Variants in NFS1 observed in about 807,000 individuals in gnomAD.
NFS1 encodes NFS1 cysteine desulfurase.
NFS1 carries 26 observed loss-of-function variants against 57.3 expected under a neutral mutation model. The observed-to-expected ratio is 0.45, with a 90% CI of 0.33 to 0.63. The LOEUF is 0.63. NFS1 is among the 20% of genes least tolerant of loss of function. The pLI, the probability that NFS1 is intolerant of heterozygous loss-of-function variation, is 0.02. For synonymous variants in NFS1, 209 were observed against 216.3 expected (o/e 0.97, Z 0.30); for missense variants, 505 against 605.8 (o/e 0.83, Z 1.75).
chr20:35,698,634 A>G (rs1160454992), intron 1 of NFS1, 44 bp from the exon 2 acceptor site: 5 of 1,544,598 alleles, frequency 3.2e-6, no homozygotes, highest in Non-Finnish European at 4.4e-6. Flanking sequence ...ACCGAAGGCA[A>G]CTATGAACGC....
Position 35,680,730 on chromosome 20 carries a change from C to T in NFS1, c.790+7G>A. ...CAGAGAGAAGGAACTCTAGAAGGGG[C>T]TGGTACCTTTGGGACCGTAGATTTT... is the stretch of plus-strand genomic sequence containing the variant. On this transcript the variant is annotated splice_region_variant and intron_variant, in intron 7 of 12. Coordinates refer to ENST00000374092, the MANE Select transcript of NFS1 (RefSeq NM_021100.5). 1.3e-6 allele frequency: 2 copies of T among 1,524,822 alleles called. No homozygotes were observed. Among genetic ancestry groups the T allele is most frequent in the Non-Finnish European group, 1.8e-6 (2 of 1,136,884 alleles). 94.5% of individuals were successfully genotyped at this position (1,524,822 alleles called of 1,614,324 possible).
intron 7 of NFS1, 47 bp from the exon 8 acceptor site, chr20:35,675,249 A>T: frequency 6.6e-7 from 1 of 1,507,694 alleles, no homozygotes; most frequent in Non-Finnish European, 8.9e-7. Context: ...AGAAAAGTAG[A>T]TAAAACAAAA....
At chr20:35,687,462 G>A (rs1251686947) in intron 5 of NFS1, among the ~76,000 whole-genome samples, 1 of 152,050 alleles carries the variant, frequency 6.6e-6, no homozygotes, top group African/African-American at 2.4e-5. Context: ...AGGCAGGGAA[G>A]GGCCCCCTGT....
At chr20:35,687,154 T>TC (rs2034959013) in intron 5 of NFS1, among the ~76,000 whole-genome samples, 1 of 152,040 alleles carries the variant, frequency 6.6e-6, no homozygotes, top group East Asian at 1.9e-4. Flanking sequence ...GGAAAGGGAA[T>TC]CCCCCTTTCC....
intron 6 of NFS1, 66 bp from the exon 7 acceptor site, chr20:35,680,937 G>A: frequency 7.6e-7 from 1 of 1,311,834 alleles, no homozygotes; most frequent in Non-Finnish European, 1.0e-6. Context: ...GTCCCACAGT[G>A]CACTGTGAAT....
chr20:35,696,085 C>A (rs2035129004), intron 4 of NFS1, among the ~76,000 whole-genome samples: 1 of 151,982 alleles, frequency 6.6e-6, no homozygotes, highest in Admixed American at 6.6e-5. Flanking sequence ...CCATTATCCA[C>A]TCTCTGAAGT....
intron 7 of NFS1, among the ~76,000 whole-genome samples, chr20:35,676,414 C>T (rs117042707): frequency 0.083 from 12,608 of 151,740 alleles, 711 homozygotes; most frequent in Middle Eastern, 0.14. Context: ...GGTGAAACCC[C>T]GTAATTATTA....
chr20:35,678,801 G>A (rs1334280947), intron 7 of NFS1, among the ~76,000 whole-genome samples: 2 of 152,082 alleles, frequency 1.3e-5, no homozygotes, highest in Non-Finnish European at 2.9e-5. Flanking sequence ...TGAAGCTGTG[G>A]CAAGGTAGGA....
chr20:35,690,117 T>C (rs2035018033), intron 5 of NFS1, among the ~76,000 whole-genome samples: 1 of 150,864 alleles, frequency 6.6e-6, no homozygotes, highest in South Asian at 2.1e-4. Context: ...AAAAAAGAAG[T>C]AACAAGTCCT....
In NFS1 at chr20:35,668,922, T is replaced by A. The variant is rs2146406688; in HGVS notation, c.*700A>T. The stretch of plus-strand genomic sequence containing the variant: ...GGCGGTCTTCTCCACAATTCCCAAG[T>A]ACAGCTTCCACTTTTCCCTCAACCT... On this transcript the variant is annotated 3_prime_UTR_variant, in exon 13 of 13. Coordinates refer to ENST00000374092, the MANE Select transcript of NFS1 (RefSeq NM_021100.5). 6.6e-6 allele frequency: 1 copy of A among 152,348 alleles called. No homozygotes were observed. Among genetic ancestry groups the A allele is most frequent in the African/African-American group, 2.4e-5 (1 of 41,584 alleles). The allele number at this position is 152,348 out of a possible 1,614,324, so 9.4% of individuals were successfully genotyped here. A position where few individuals can be genotyped will look rare whatever the true frequency, so the allele number is the denominator to read the frequency against.
Position 35,683,099 on chromosome 20 carries a change from CA to C in NFS1, c.562-1119del, listed in dbSNP as rs374341051. ...TCTCAAAAAACAAAACAAAACAAAA[CA>C]AAAAAACAAAAACAAAAATAAAAAA... On this transcript the variant is annotated intron_variant, in intron 5 of 12. Transcript: ENST00000374092. 2.5e-3 allele frequency among the ~76,000 whole-genome samples: 370 copies of C among 150,826 alleles called. 1 individual carries two copies. The highest frequency in any genetic ancestry group is 8.1e-3 in the African/African-American group (334 of 41,100).
rs74638016 is a variant in NFS1 at position 35,681,820 on chromosome 20, C to T, written c.655+68G>A. 2.6e-4 allele frequency: 223 copies of T among 858,960 alleles called. 2 individuals are homozygous for T. The Middle Eastern group carries it at 4.0e-3, about 15-fold the overall frequency. The allele number at this position is 858,960 out of a possible 1,614,324, so 53.2% of individuals were successfully genotyped here. On this transcript the variant is annotated intron_variant, in intron 6 of 12. Transcript: ENST00000374092. ...AACTACACTCCATAGAGTATTACAG[C>T]TCTCAGTATACTACCTCATACAGAG...
At chr20:35,680,920 T>C in intron 6 of NFS1, 49 bp from the exon 7 acceptor site, 1 of 1,416,710 alleles carries the variant, frequency 7.1e-7, no homozygotes, top group Non-Finnish European at 9.3e-7. Context: ...GAAAGTCATC[T>C]GTCAGAGTCC....
chr20:35,695,416 C>T (rs1241208176), intron 4 of NFS1, among the ~76,000 whole-genome samples: 1 of 152,246 alleles, frequency 6.6e-6, no homozygotes, highest in African/African-American at 2.4e-5. Context: ...CACAATTTCT[C>T]AGAGCCTTGG....
Position 35,669,662 on chromosome 20 carries a change from T to C in NFS1, c.1334A>G (p.Asp445Gly). The C allele has an allele frequency of 6.2e-7, 1 of 1,614,134 alleles. No homozygotes were observed. The part of the protein sequence containing the change: ...EMSPLWEMVQ[D>G]GIDLKSIKWT... ...CTTGATGCTCTTGAGGTCAATGCCA[T>C]CCTGAACCATCTCCCAGAGAGGGCT... is the stretch of plus-strand genomic sequence containing the variant. Residue 445 changes from aspartate to glycine, a missense_variant, in exon 13 of 13, where the codon GAT becomes GGT. Transcript: ENST00000374092.
chr20:35,674,679 A>G, intron 8 of NFS1, 62 bp from the exon 9 acceptor site: 1 of 1,308,708 alleles, frequency 7.6e-7, no homozygotes, highest in Non-Finnish European at 1.1e-6. Context: ...AGACAGTTTG[A>G]GAAGCCCTTC....
At chr20:35,687,962 G>A (rs1196952124) in intron 5 of NFS1, among the ~76,000 whole-genome samples, 3 of 152,174 alleles carry the variant, frequency 2.0e-5, no homozygotes, top group Admixed American at 6.5e-5. Flanking sequence ...TTAGCAGGCT[G>A]GCCAGGCACA....
At chr20:35,672,649 A>G (rs551696160) in intron 12 of NFS1, 106 bp downstream of exon 12, 7 of 750,914 alleles carry the variant, frequency 9.3e-6, no homozygotes, top group South Asian at 5.9e-5. Flanking sequence ...CTAAGATCCA[A>G]GTACGCTTGA....
At chr20:35,674,808 G>A (rs1334643925) in intron 8 of NFS1, 191 bp from the exon 9 acceptor site, 1 of 680,776 alleles carries the variant, frequency 1.5e-6, no homozygotes, top group Non-Finnish European at 2.5e-6. Context: ...TTGATAACTG[G>A]ACACAGGGTT....
Sources: allele counts gnomAD v4.1 joint callset (sites outside exome capture counted in the v4.1 genomes callset), GRCh38; gene constraint gnomAD v4.1.1; transcripts MANE v1.5; gene names NCBI Gene and HGNC (gene_info 2026-07-23, HGNC 2026-07-21).